SERPINB10: variants seen among roughly 807,000 people sequenced by gnomAD.
SERPINB10 encodes serpin B10.
In SERPINB10, 35 loss-of-function variants were observed where a neutral mutation model predicts 39.1. That is an observed-to-expected ratio of 0.90 (90% CI 0.68 to 1.19). The LOEUF (loss-of-function observed/expected upper bound fraction) is 1.19. SERPINB10 is among the 50% of genes most tolerant of loss of function. SERPINB10 has a pLI of 0.00. For synonymous variants in SERPINB10, 190 were observed against 158.1 expected (o/e 1.20, Z -1.52); for missense variants, 546 against 460.5 (o/e 1.19, Z -1.70).
rs149633578 is a variant in SERPINB10, at chr18:63,936,032, A to C, written c.*790A>C. On this transcript the variant is annotated 3_prime_UTR_variant, in exon 8 of 8. Coordinates refer to ENST00000238508, the MANE Select transcript of SERPINB10 (RefSeq NM_005024.3). ...TCACTTGGGGAAACTGTACTGGAGT[A>C]TATGAGAATTAGCTGTATTATCTCT... The C allele has an allele frequency of 1.3e-5, 2 of 152,228 alleles. No homozygotes were observed. Among genetic ancestry groups the C allele is most frequent in the Non-Finnish European group, 2.9e-5 (2 of 68,038 alleles). The allele number at this position is 152,228 out of a possible 1,614,324, so 9.4% of individuals were successfully genotyped here.
intron 5 of SERPINB10, among the ~76,000 whole-genome samples, chr18:63,927,409 TA>T (rs903635702): frequency 1.6e-4 from 24 of 152,066 alleles, no homozygotes; most frequent in Non-Finnish European, 3.1e-4. Flanking sequence ...GGGTAATTTA[TA>T]AATAATAGAA....
At position 63,935,834 on chromosome 18, in the gene SERPINB10, A is replaced by G. The variant is rs1031185522; in HGVS notation, c.*592A>G. ...CAAAAAAATCATTTTGGTGGCTCAT[A>G]AATTATGATTGTAAAACTAAACCCC... On this transcript the variant is annotated 3_prime_UTR_variant, in exon 8 of 8. Transcript: ENST00000238508. 1.3e-5 allele frequency: 2 copies of G among 152,216 alleles called. No homozygotes were observed. Among genetic ancestry groups the G allele is most frequent in the African/African-American group, 4.8e-5 (2 of 41,446 alleles). 9.4% of individuals were successfully genotyped at this position (152,216 alleles called of 1,614,324 possible).
intron 5 of SERPINB10, among the ~76,000 whole-genome samples, chr18:63,923,805 C>T (rs1891343145): frequency 6.6e-6 from 1 of 151,802 alleles, no homozygotes; most frequent in South Asian, 2.1e-4. Context: ...CTTTGATTTT[C>T]CATTTATATT....
intron 6 of SERPINB10, among the ~76,000 whole-genome samples, chr18:63,932,159 A>C (rs1184608848): frequency 2.0e-5 from 3 of 152,220 alleles, no homozygotes; most frequent in African/African-American, 7.2e-5. Flanking sequence ...CTATTGAAGC[A>C]CATCTTAGTT....
intron 1 of SERPINB10, among the ~76,000 whole-genome samples, chr18:63,913,114 A>G (rs775838515): frequency 7.2e-5 from 11 of 151,816 alleles, no homozygotes; most frequent in Non-Finnish European, 1.2e-4. Context: ...CTCCAGGATC[A>G]GTTGTAATGT....
intron 5 of SERPINB10, among the ~76,000 whole-genome samples, chr18:63,920,909 C>T (rs1429683285): frequency 2.0e-5 from 3 of 151,814 alleles, no homozygotes; most frequent in Admixed American, 2.0e-4. Flanking sequence ...AGGATTCTCC[C>T]AGGCAATTTA....
intron 7 of SERPINB10, 109 bp from the exon 8 acceptor site, chr18:63,934,729 G>C (rs761645314): frequency 1.8e-6 from 2 of 1,101,270 alleles, no homozygotes; most frequent in Non-Finnish European, 2.5e-6. Context: ...CCTGAGTAAC[G>C]GGAGTGATCA....
At chr18:63,908,462 T>A (rs1168790547) in intron 1 of SERPINB10, among the ~76,000 whole-genome samples, 1 of 151,996 alleles carries the variant, frequency 6.6e-6, no homozygotes, top group Non-Finnish European at 1.5e-5. Context: ...AATGTGAGCT[T>A]GGCACCCTGA....
intron 3 of SERPINB10, 148 bp from the exon 4 acceptor site, chr18:63,917,816 TA>T: frequency 1.4e-6 from 1 of 707,416 alleles, no homozygotes; most frequent in East Asian, 2.7e-5. Context: ...TCTTTTGCAC[TA>T]ACACTAAAGA....
At chr18:63,930,975 G>C (rs2050217965) in intron 6 of SERPINB10, among the ~76,000 whole-genome samples, 1 of 152,190 alleles carries the variant, frequency 6.6e-6, no homozygotes, top group Admixed American at 6.5e-5. Flanking sequence ...TGTGCAATAG[G>C]TATTTCTCAA....
intron 1 of SERPINB10, among the ~76,000 whole-genome samples, chr18:63,908,997 CA>C (rs1216419083): frequency 6.6e-6 from 1 of 152,100 alleles, no homozygotes; most frequent in African/African-American, 2.4e-5. Context: ...ATCCTTTGCT[CA>C]ATCAACCTCT....
At chr18:63,918,602 T>C (rs548846065) in intron 4 of SERPINB10, among the ~76,000 whole-genome samples, 5 of 152,108 alleles carry the variant, frequency 3.3e-5, no homozygotes, top group African/African-American at 1.2e-4. Context: ...AACATCTCTT[T>C]GGGCAGGAGG....
intron 6 of SERPINB10, among the ~76,000 whole-genome samples, chr18:63,932,494 A>T (rs1000353850): frequency 1.3e-5 from 2 of 152,102 alleles, no homozygotes; most frequent in African/African-American, 4.8e-5. Context: ...AGCATTTTTC[A>T]TGTGCTGTAT....
Position 63,935,221 on chromosome 18 carries a change from T to C in SERPINB10, c.1173T>C (p.Tyr391=), listed in dbSNP as rs911788455. Reference sequence around the variant, plus strand: ...ATAAAACCAACACCATTCTTTTTTATGGAAGATTATGCTCCCCCTAAATCC... The same window carrying C: ...ATAAAACCAACACCATTCTTTTTTACGGAAGATTATGCTCCCCCTAAATCC... ...RHNKTNTILF[Y]GRLCSP is the part of the protein sequence containing the mutation. The change falls in exon 8 of 8, where the codon TAT becomes TAC. Residue 391 remains tyrosine (Y), a synonymous_variant. Coordinates refer to ENST00000238508, the MANE Select transcript of SERPINB10 (RefSeq NM_005024.3). 7 of 1,594,138 alleles carry C rather than the reference T, an allele frequency of 4.4e-6. No homozygotes were observed. Among genetic ancestry groups the C allele is most frequent in the East Asian group, 2.2e-5 (1 of 44,748 alleles).
intron 7 of SERPINB10, among the ~76,000 whole-genome samples, 156 bp from the exon 8 acceptor site, chr18:63,934,682 A>G (rs1192962954): frequency 1.3e-5 from 2 of 152,210 alleles, no homozygotes; most frequent in Non-Finnish European, 2.9e-5. Context: ...TCAACATTAT[A>G]CAACCAAAGG....
At chr18:63,910,822 C>CAGTAATGG (rs77212637) in intron 1 of SERPINB10, among the ~76,000 whole-genome samples, 16,869 of 151,690 alleles carry the variant, frequency 0.11, 2,178 homozygotes, top group African/African-American at 0.3. Flanking sequence ...AATGTATACC[C>CAGTAATGG]AGTAATGGGA....
At position 63,919,827 on chromosome 18, in the gene SERPINB10, C is replaced by A; in HGVS notation, c.412C>A (p.Pro138Thr). Reference sequence around the variant, plus strand: ...CATGAAAACATATTTTGGTGCAGAACCTCAGCCTGTTAACTTTGTGGAAGC... The same window carrying A: ...CATGAAAACATATTTTGGTGCAGAAACTCAGCCTGTTAACTTTGTGGAAGC... The part of the protein sequence containing the change: ...EDMKTYFGAE[P>T]QPVNFVEASD... Residue 138 changes from proline to threonine, a missense_variant, in exon 5 of 8, where the codon CCT becomes ACT. Transcript: ENST00000238508. The A allele has an allele frequency of 3.1e-6, 5 of 1,608,964 alleles. No homozygotes were observed. Among genetic ancestry groups the A allele is most frequent in the African/African-American group, 2.7e-5 (2 of 74,100 alleles).
At chr18:63,917,765 A>G (rs1169335086) in intron 3 of SERPINB10, among the ~76,000 whole-genome samples, 200 bp from the exon 4 acceptor site, 1 of 152,024 alleles carries the variant, frequency 6.6e-6, no homozygotes, top group African/African-American at 2.4e-5. Flanking sequence ...TGCTTTTGCA[A>G]ACTAAATGTG....
rs1473564828 is a variant in SERPINB10, at chr18:63,917,526, A to G, written c.234+5A>G. The G allele has an allele frequency of 3.3e-6, 5 of 1,493,610 alleles. No homozygotes were observed. The highest frequency in any genetic ancestry group is 4.6e-6 in the Non-Finnish European group (5 of 1,097,792). 92.5% of individuals were successfully genotyped at this position (1,493,610 alleles called of 1,614,324 possible). A position where few individuals can be genotyped will look rare whatever the true frequency, so the allele number is the denominator to read the frequency against. On this transcript the variant is annotated splice_donor_5th_base_variant and intron_variant, in intron 3 of 7. Coordinates refer to ENST00000238508, the MANE Select transcript of SERPINB10 (RefSeq NM_005024.3). Reference sequence around the variant, plus strand: ...AGTGAAAAAAAAAGGAAAATGGTATATCTTATCCTTTAATATATATTTCAT... The same window carrying G: ...AGTGAAAAAAAAAGGAAAATGGTATGTCTTATCCTTTAATATATATTTCAT...
Sources: allele counts gnomAD v4.1 joint callset (sites outside exome capture counted in the v4.1 genomes callset), GRCh38; gene constraint gnomAD v4.1.1; transcripts MANE v1.5; gene names NCBI Gene and HGNC (gene_info 2026-07-23, HGNC 2026-07-21).